The following AGBL4 variants were observed in gnomAD, a reference collection of about 807,000 sequenced individuals.
The protein encoded by AGBL4 is AGBL carboxypeptidase 4, also known as cytosolic carboxypeptidase 6.
Under a neutral mutation model 66.4 loss-of-function variants are expected in AGBL4, and 58 were observed. The ratio of observed to expected loss-of-function variants is 0.87; its 90% CI spans 0.71 to 1.09. The LOEUF (loss-of-function observed/expected upper bound fraction) is 1.09, where lower values mean the gene tolerates loss of function less well. AGBL4 is among the 50% of genes least tolerant of loss of function. The probability of loss-of-function intolerance (pLI) is 0.00; values close to 1 mark genes in which losing one functional copy is unlikely to be tolerated. For missense variants in AGBL4, 579 were observed against 631.0 expected (o/e 0.92, Z 0.88); for synonymous variants, 234 against 222.9 (o/e 1.05, Z -0.44).
intron 6 of AGBL4, among the ~76,000 whole-genome samples, chr1:48,719,681 C>T (rs1034057117): frequency 2.6e-5 from 4 of 152,200 alleles, no homozygotes; most frequent in African/African-American, 9.7e-5. Context: ...TTGCCTATTG[C>T]TCACAATAAT....
chr1:49,794,053 G>T (rs898153086), intron 2 of AGBL4, among the ~76,000 whole-genome samples: 2 of 151,860 alleles, frequency 1.3e-5, no homozygotes, highest in Admixed American at 6.6e-5. Flanking sequence ...AACATTTTCA[G>T]GAAAGTAGTG....
intron 3 of AGBL4, among the ~76,000 whole-genome samples, chr1:49,666,790 C>G (rs900034906): frequency 7.9e-5 from 12 of 152,120 alleles, no homozygotes; most frequent in Admixed American, 5.9e-4. Flanking sequence ...GGTACCATTA[C>G]CATCCTTATT....
At chr1:48,670,361 G>C (rs1646257927) in intron 6 of AGBL4, among the ~76,000 whole-genome samples, 2 of 152,242 alleles carry the variant, frequency 1.3e-5, no homozygotes, top group African/African-American at 4.8e-5. Context: ...CACACAGCTA[G>C]AGAGTAGTCC....
chr1:49,292,637 C>T (rs1182085170), intron 3 of AGBL4, among the ~76,000 whole-genome samples: 1 of 152,132 alleles, frequency 6.6e-6, no homozygotes, highest in East Asian at 1.9e-4. Context: ...TGACCAGCTG[C>T]AAAGAGGAGC....
chr1:48,679,527 A>G (rs1570231941), intron 6 of AGBL4, among the ~76,000 whole-genome samples: 1 of 152,240 alleles, frequency 6.6e-6, no homozygotes, highest in South Asian at 2.1e-4. Context: ...TCTCCCTCCC[A>G]GCCCACCTCT....
At chr1:48,589,213 T>C (rs758895504) in intron 10 of AGBL4, among the ~76,000 whole-genome samples, 9 of 152,202 alleles carry the variant, frequency 5.9e-5, no homozygotes, top group Non-Finnish European at 1.0e-4. Flanking sequence ...GGTGACCTTA[T>C]GCTGAATACT....
rs547321657 is a variant in AGBL4 at position 49,440,474 on chromosome 1, G to T, written c.283-194610C>A. Among the ~76,000 whole-genome samples the T allele has an allele frequency of 3.3e-5, 5 of 152,320 alleles. No individual in the cohort carries two copies. In the South Asian group the frequency reaches 1.0e-3, roughly 32 times the overall value. Reference sequence around the variant, plus strand: ...TTGACACTCCTGATCCACTGCTCATGAGAGGCAAGGAGTTTAGTGACTCTA... The same window carrying T: ...TTGACACTCCTGATCCACTGCTCATTAGAGGCAAGGAGTTTAGTGACTCTA... On this transcript the variant is annotated intron_variant, in intron 3 of 13. Coordinates refer to ENST00000371839, the MANE Select transcript of AGBL4 (RefSeq NM_032785.4).
intron 4 of AGBL4, among the ~76,000 whole-genome samples, chr1:49,096,746 G>A (rs1159124788): frequency 1.3e-5 from 2 of 151,462 alleles, no homozygotes; most frequent in African/African-American, 2.4e-5. Flanking sequence ...GTTAAATGAC[G>A]AGGTAATGGG....
At chr1:49,821,588 C>T (rs1645371826) in intron 2 of AGBL4, among the ~76,000 whole-genome samples, 1 of 152,156 alleles carries the variant, frequency 6.6e-6, no homozygotes, top group Admixed American at 6.6e-5. Flanking sequence ...GTGTTTATGA[C>T]AGTAGTTATT....
chr1:49,574,017 G>A (rs897543624), intron 3 of AGBL4, among the ~76,000 whole-genome samples: 2 of 152,096 alleles, frequency 1.3e-5, no homozygotes, highest in African/African-American at 4.8e-5. Context: ...CCTCCCCTGA[G>A]GCAGTTGCTA....
chr1:49,376,781 C>T (rs1644480966), intron 3 of AGBL4, among the ~76,000 whole-genome samples: 1 of 151,936 alleles, frequency 6.6e-6, no homozygotes, highest in African/African-American at 2.4e-5. Context: ...AATTGTTGTC[C>T]CAGATCCCTA....
intron 1 of AGBL4, among the ~76,000 whole-genome samples, chr1:49,880,179 T>A (rs1364838516): frequency 6.6e-6 from 1 of 151,890 alleles, no homozygotes; most frequent in African/African-American, 2.4e-5. Flanking sequence ...TCATTCTCCA[T>A]CCAGCTTTGT....
At chr1:48,683,309 C>T (rs891011880) in intron 6 of AGBL4, among the ~76,000 whole-genome samples, 1 of 152,238 alleles carries the variant, frequency 6.6e-6, no homozygotes, top group African/African-American at 2.4e-5. Flanking sequence ...AGAAACTCTA[C>T]TTCTTTCCAT....
chr1:48,748,613 C>T (rs1385092033), intron 6 of AGBL4, among the ~76,000 whole-genome samples: 1 of 151,986 alleles, frequency 6.6e-6, no homozygotes, highest in Non-Finnish European at 1.5e-5. Context: ...GGTGTGTGAC[C>T]CTAGGGTGGG....
intron 1 of AGBL4, among the ~76,000 whole-genome samples, chr1:49,861,887 T>C (rs1035057214): frequency 6.6e-6 from 1 of 152,182 alleles, no homozygotes; most frequent in African/African-American, 2.4e-5. Flanking sequence ...CCAAGTCCTT[T>C]TGAATATCTG....
intron 5 of AGBL4, among the ~76,000 whole-genome samples, chr1:48,956,412 A>G (rs1263789235): frequency 6.6e-6 from 1 of 152,256 alleles, no homozygotes; most frequent in African/African-American, 2.4e-5. Context: ...TAAAAGTTAC[A>G]TTACAACCAA....
chr1:48,634,473 G>A lies in AGBL4; in HGVS notation c.951+20C>T. The stretch of plus-strand genomic sequence containing the variant: ...ATCAAGCCATAGATCAGCAGCTGTG[G>A]AGGGCATTCAGTTACTTACTGGGTC... On this transcript the variant is annotated intron_variant, in intron 9 of 13. Coordinates refer to ENST00000371839, the MANE Select transcript of AGBL4 (RefSeq NM_032785.4). The A allele has an allele frequency of 6.4e-7, 1 of 1,553,004 alleles. No homozygotes were observed. Among genetic ancestry groups the A allele is most frequent in the Non-Finnish European group, 8.8e-7 (1 of 1,139,080 alleles).
chr1:49,434,634 C>T (rs1312864559), intron 3 of AGBL4, among the ~76,000 whole-genome samples: 1 of 151,410 alleles, frequency 6.6e-6, no homozygotes, highest in Non-Finnish European at 1.5e-5. Context: ...GGTTGCTATT[C>T]CAGCAAATTG....
chr1:48,865,794 A>G (rs10888631), intron 6 of AGBL4, among the ~76,000 whole-genome samples: 135,291 of 152,120 alleles, frequency 0.89, 60,758 homozygotes, highest in Non-Finnish European at 0.96. Context: ...AGCAGGCAAT[A>G]TGGACAGTGT....
Sources: allele counts gnomAD v4.1 joint callset (sites outside exome capture counted in the v4.1 genomes callset), GRCh38; gene constraint gnomAD v4.1.1; transcripts MANE v1.5; gene names NCBI Gene and HGNC (gene_info 2026-07-23, HGNC 2026-07-21).